Variants in KIAA1328 observed in about 807,000 individuals in gnomAD.
KIAA1328 encodes KIAA1328, also known as protein hinderin.
KIAA1328 carries 52 observed loss-of-function variants against 68.1 expected under a neutral mutation model. The observed-to-expected ratio is 0.76, with a 90% CI of 0.61 to 0.96. The LOEUF (loss-of-function observed/expected upper bound fraction) is 0.96, where lower values mean the gene tolerates loss of function less well. Ranked by LOEUF, KIAA1328 falls within the 40% of genes least tolerant of loss-of-function variation. The probability of loss-of-function intolerance (pLI) is 0.00; values close to 1 mark genes in which losing one functional copy is unlikely to be tolerated. For synonymous variants in KIAA1328, 232 were observed against 239.4 expected (o/e 0.97, Z 0.28); for missense variants, 641 against 677.6 (o/e 0.95, Z 0.60).
intron 7 of KIAA1328, among the ~76,000 whole-genome samples, chr18:37,117,191 C>T (rs1243166682): frequency 6.6e-6 from 1 of 152,200 alleles, no homozygotes; most frequent in Non-Finnish European, 1.5e-5. Flanking sequence ...GACACATGCA[C>T]ACGTATGTTT....
At chr18:36,840,962 T>G (rs1346537419) in intron 3 of KIAA1328, among the ~76,000 whole-genome samples, 2 of 152,150 alleles carry the variant, frequency 1.3e-5, no homozygotes, top group Non-Finnish European at 2.9e-5. Flanking sequence ...TTCACTACAG[T>G]CTGGCACCTG....
downstream of KIAA1328, among the ~76,000 whole-genome samples, chr18:37,225,599 C>T (rs565312344): frequency 1.1e-4 from 16 of 152,338 alleles, no homozygotes; most frequent in African/African-American, 3.8e-4. Flanking sequence ...AACATTCAGT[C>T]TCTCTGCACC....
At chr18:37,097,749 T>C (rs1315252381) in intron 7 of KIAA1328, among the ~76,000 whole-genome samples, 2 of 152,146 alleles carry the variant, frequency 1.3e-5, no homozygotes, top group Middle Eastern at 3.2e-3. Flanking sequence ...TTTTATTTCA[T>C]TGAGCAGTGG....
intron 6 of KIAA1328, among the ~76,000 whole-genome samples, chr18:37,005,026 C>T (rs988045547): frequency 2.6e-5 from 4 of 151,972 alleles, no homozygotes; most frequent in South Asian, 4.2e-4. Flanking sequence ...TATGTTCTTA[C>T]TTATAAATGG....
At chr18:37,179,100 T>C (rs1237065241) in intron 9 of KIAA1328, among the ~76,000 whole-genome samples, 3 of 152,228 alleles carry the variant, frequency 2.0e-5, no homozygotes, top group African/African-American at 7.2e-5. Context: ...ATTTTTGCTT[T>C]TGTTGCCTGT....
chr18:37,190,306 G>T (rs1305492616), intron 9 of KIAA1328, among the ~76,000 whole-genome samples: 1 of 152,146 alleles, frequency 6.6e-6, no homozygotes, highest in East Asian at 1.9e-4. Context: ...GATCTATACA[G>T]AAATTTAGTC....
intron 3 of KIAA1328, among the ~76,000 whole-genome samples, chr18:36,836,980 A>C (rs946066741): frequency 1.3e-5 from 2 of 152,098 alleles, no homozygotes; most frequent in Admixed American, 1.3e-4. Flanking sequence ...TTTATGTCTG[A>C]ATATACATTT....
At chr18:37,165,669 A>G (rs185543380) in intron 8 of KIAA1328, among the ~76,000 whole-genome samples, 54 of 145,466 alleles carry the variant, frequency 3.7e-4, no homozygotes, top group Non-Finnish European at 3.0e-5. Flanking sequence ...TCGGCTCACC[A>G]CAACCTCTGC....
intron 4 of KIAA1328, among the ~76,000 whole-genome samples, chr18:36,873,651 T>C (rs1279141832): frequency 6.6e-6 from 1 of 152,194 alleles, no homozygotes; most frequent in Non-Finnish European, 1.5e-5. Flanking sequence ...TGTTTTAATA[T>C]ATTTTCTGTA....
chr18:36,952,672 C>A (rs557268426), intron 5 of KIAA1328, among the ~76,000 whole-genome samples: 1 of 152,274 alleles, frequency 6.6e-6, no homozygotes, highest in South Asian at 2.1e-4. Context: ...ACGTCTTATG[C>A]CTGTTACATT....
At chr18:36,836,428 A>G (rs2046676751) in intron 3 of KIAA1328, among the ~76,000 whole-genome samples, 1 of 152,154 alleles carries the variant, frequency 6.6e-6, no homozygotes, top group Non-Finnish European at 1.5e-5. Context: ...AGATTATAGT[A>G]TACATCTTTC....
intron 5 of KIAA1328, among the ~76,000 whole-genome samples, chr18:36,910,604 G>A (rs1031634503): frequency 2.0e-4 from 30 of 152,044 alleles, no homozygotes; most frequent in Non-Finnish European, 3.8e-4. Flanking sequence ...TGGCAATGTG[G>A]GCTCTTTTTT....
At chr18:37,188,943 G>T (rs10502672) in intron 9 of KIAA1328, among the ~76,000 whole-genome samples, 2,315 of 152,202 alleles carry the variant, frequency 0.015, 32 homozygotes, top group East Asian at 0.076. Context: ...GTTGCATGAA[G>T]AGTAAATCCC....
chr18:36,958,375 T>A (rs2051509717), intron 5 of KIAA1328, among the ~76,000 whole-genome samples: 1 of 152,186 alleles, frequency 6.6e-6, no homozygotes, highest in Non-Finnish European at 1.5e-5. Context: ...GGAGTAGAAT[T>A]GCTGGGTCAT....
chr18:36,875,157 C>G (rs1042229055), intron 4 of KIAA1328, among the ~76,000 whole-genome samples: 1 of 152,034 alleles, frequency 6.6e-6, no homozygotes, highest in Non-Finnish European at 1.5e-5. Flanking sequence ...TATATGGGCT[C>G]TTTTTTGGTT....
At chr18:37,162,027 T>C (rs2059290786) in intron 8 of KIAA1328, among the ~76,000 whole-genome samples, 1 of 152,220 alleles carries the variant, frequency 6.6e-6, no homozygotes. Context: ...CAAAATCATT[T>C]TTGACTAACA....
At chr18:37,161,199 C>T (rs1000268882) in intron 8 of KIAA1328, among the ~76,000 whole-genome samples, 3 of 152,190 alleles carry the variant, frequency 2.0e-5, no homozygotes, top group Admixed American at 1.3e-4. Context: ...GGGCCAGCAC[C>T]TTTCTACCTC....
At chr18:36,962,054 T>G (rs2051700904) in intron 6 of KIAA1328, among the ~76,000 whole-genome samples, 1 of 152,200 alleles carries the variant, frequency 6.6e-6, no homozygotes, top group Admixed American at 6.5e-5. Context: ...ATCAATGTGC[T>G]GTATTCAGGA....
chr18:37,228,937 C>T (rs1264231358), downstream of KIAA1328, among the ~76,000 whole-genome samples: 1 of 152,182 alleles, frequency 6.6e-6, no homozygotes, highest in East Asian at 1.9e-4. Flanking sequence ...CAGTTGCACA[C>T]TTAGTGGACT....
Sources: gnomAD v4.1 joint callset for allele counts (sites outside exome capture counted in the v4.1 genomes callset) on GRCh38, gnomAD v4.1.1 for gene constraint, MANE v1.5 for transcripts, NCBI Gene and HGNC (gene_info 2026-07-23, HGNC 2026-07-21) for gene names.